The following NFIB variants were observed in gnomAD, a reference collection of about 807,000 sequenced individuals.
NFIB encodes nuclear factor 1 B-type.
NFIB carries 11 observed loss-of-function variants against 61.5 expected under a neutral mutation model. The ratio of observed to expected loss-of-function variants is 0.18; its 90% confidence interval spans 0.11 to 0.30. The LOEUF is 0.30. Ranked by LOEUF, NFIB falls within the 10% of genes least tolerant of loss-of-function variation. The pLI is 1.00. For synonymous variants in NFIB, 260 were observed against 216.5 expected, an observed-to-expected ratio of 1.20 and a Z score of -1.76; for missense variants, 471 against 608.9, an observed-to-expected ratio of 0.77 and a Z score of 2.38.
chr9:14,489,048 A>T, the NFIB span, among the ~76,000 whole-genome samples: 1 of 143,798 alleles, frequency 7.0e-6, no homozygotes, highest in African/African-American at 2.7e-5. Context: ...CCTAGGCCAA[A>T]GTCTGACATT....
chr9:14,219,231 T>G (rs1012304694), intron 2 of NFIB, among the ~76,000 whole-genome samples: 4 of 152,054 alleles, frequency 2.6e-5, no homozygotes, highest in Non-Finnish European at 5.9e-5. Context: ...TTCTACGTAT[T>G]TAAAACTACC....
intron 3 of NFIB, among the ~76,000 whole-genome samples, chr9:14,167,838 G>A (rs1473379608): frequency 1.3e-5 from 2 of 152,290 alleles, no homozygotes; most frequent in East Asian, 3.9e-4. Flanking sequence ...TAAGAACACT[G>A]TAGTATACTC....
At chr9:14,469,977 G>A in the NFIB span, among the ~76,000 whole-genome samples, 1 of 152,200 alleles carries the variant, frequency 6.6e-6, no homozygotes, top group Non-Finnish European at 1.5e-5. Flanking sequence ...GTGTGTGTGT[G>A]TTTTAAAGAA....
intron 2 of NFIB, among the ~76,000 whole-genome samples, chr9:14,207,011 G>C (rs531454271): frequency 2.6e-5 from 4 of 152,222 alleles, no homozygotes; most frequent in African/African-American, 9.6e-5. Flanking sequence ...ATATCTTCTA[G>C]GTGAACAGTA....
At chr9:14,530,882 G>A in the NFIB span, among the ~76,000 whole-genome samples, 1 of 151,184 alleles carries the variant, frequency 6.6e-6, no homozygotes, top group Non-Finnish European at 1.5e-5. Context: ...AATCAAGACA[G>A]AAAAGGAAAG....
intron 2 of NFIB, among the ~76,000 whole-genome samples, chr9:14,288,422 T>C (rs1374108699): frequency 6.6e-6 from 1 of 152,096 alleles, no homozygotes; most frequent in Non-Finnish European, 1.5e-5. Flanking sequence ...TTAGATTCTT[T>C]TATTAACTTT....
the NFIB span, among the ~76,000 whole-genome samples, chr9:14,445,358 T>A: frequency 8.0e-6 from 1 of 124,816 alleles, no homozygotes; most frequent in East Asian, 2.4e-4. Context: ...ATAGCAGGCA[T>A]TTTTATCTTT....
At chr9:14,419,111 T>G in the NFIB span, among the ~76,000 whole-genome samples, 1 of 151,510 alleles carries the variant, frequency 6.6e-6, no homozygotes, top group African/African-American at 2.4e-5. Flanking sequence ...CCATCCAAAC[T>G]GGGCAAAAAA....
At chr9:14,513,075 AT>A in the NFIB span, among the ~76,000 whole-genome samples, 1 of 152,086 alleles carries the variant, frequency 6.6e-6, no homozygotes, top group East Asian at 1.9e-4. Context: ...TTCCATCTAA[AT>A]TTTTAAATAT....
At chr9:14,386,789 T>C (rs1044359193) in intron 1 of NFIB, among the ~76,000 whole-genome samples, 17 of 152,230 alleles carry the variant, frequency 1.1e-4, no homozygotes, top group Admixed American at 3.9e-4. Context: ...GAGGGGAATA[T>C]TTTTAAATGT....
At chr9:14,258,969 C>T (rs140964548) in intron 2 of NFIB, among the ~76,000 whole-genome samples, 98 of 152,266 alleles carry the variant, frequency 6.4e-4, no homozygotes, top group African/African-American at 2.2e-3. Context: ...CAGTGCTCCT[C>T]AAACCACGTT....
the NFIB span, among the ~76,000 whole-genome samples, chr9:14,530,897 A>G: frequency 6.6e-6 from 1 of 152,146 alleles, no homozygotes; most frequent in Non-Finnish European, 1.5e-5. Flanking sequence ...GGAAAGGGGC[A>G]AAAAGAAGAA....
intron 2 of NFIB, among the ~76,000 whole-genome samples, chr9:14,280,826 A>G (rs143931991): frequency 6.6e-6 from 1 of 152,328 alleles, no homozygotes; most frequent in Non-Finnish European, 1.5e-5. Context: ...CAGGGAGACT[A>G]CAGACCGAAC....
At chr9:14,260,687 G>T (rs778750930) in intron 2 of NFIB, among the ~76,000 whole-genome samples, 3 of 152,184 alleles carry the variant, frequency 2.0e-5, no homozygotes, top group Admixed American at 6.5e-5. Flanking sequence ...TGTCTACCTA[G>T]AGTGACAAAC....
chr9:14,153,950 G>A (rs570372638), intron 4 of NFIB, among the ~76,000 whole-genome samples: 30 of 152,136 alleles, frequency 2.0e-4, no homozygotes, highest in African/African-American at 5.3e-4. Context: ...AATAAATTAC[G>A]TAATGAATAT....
chr9:14,330,968 T>C (rs2060814606), intron 1 of NFIB, among the ~76,000 whole-genome samples: 1 of 152,142 alleles, frequency 6.6e-6, no homozygotes, highest in African/African-American at 2.4e-5. Flanking sequence ...CCCCGAGGTC[T>C]AGATATGCAA....
chr9:14,275,862 T>C (rs1469534198), intron 2 of NFIB, among the ~76,000 whole-genome samples: 3 of 151,932 alleles, frequency 2.0e-5, no homozygotes, highest in African/African-American at 7.3e-5. Flanking sequence ...ATAATCTATC[T>C]AATCCTATTA....
At chr9:14,315,595 C>T (rs1246292678), upstream of NFIB, among the ~76,000 whole-genome samples, 8 of 145,238 alleles carry the variant, frequency 5.5e-5, no homozygotes, top group South Asian at 1.5e-3. Flanking sequence ...AGGCTGCGGG[C>T]CCTGAGCCGC....
chr9:14,247,957 G>A (rs13286173), intron 2 of NFIB, among the ~76,000 whole-genome samples: 201 of 143,480 alleles, frequency 1.4e-3, no homozygotes, highest in Non-Finnish European at 2.4e-3. Context: ...TTTTGAGACA[G>A]GGTCTCTCCC....
Sources: gnomAD v4.1 joint callset for allele counts (sites outside exome capture counted in the v4.1 genomes callset) on GRCh38, gnomAD v4.1.1 for gene constraint, MANE v1.5 for transcripts, NCBI Gene and HGNC (gene_info 2026-07-23, HGNC 2026-07-21) for gene names.